The following GRIN2A variants were observed in gnomAD, a reference collection of about 807,000 sequenced individuals.
GRIN2A encodes the protein glutamate ionotropic receptor NMDA type subunit 2A.
Under a neutral mutation model 113.4 loss-of-function variants are expected in GRIN2A, and 22 were observed. That is an observed-to-expected ratio of 0.19 (90% CI 0.14 to 0.28). The LOEUF is 0.28. Among genes scored for constraint, GRIN2A ranks in the 10% least tolerant of loss-of-function variants. The pLI, the probability that GRIN2A is intolerant of heterozygous loss-of-function variation, is 1.00. For synonymous variants in GRIN2A, 827 were observed against 738.4 expected (o/e 1.12, Z -1.94); for missense variants, 1,502 against 1,887.0 (o/e 0.80, Z 3.78).
At chr16:9,845,055 A>G (rs547413739) in intron 5 of GRIN2A, among the ~76,000 whole-genome samples, 10 of 152,242 alleles carry the variant, frequency 6.6e-5, no homozygotes, top group African/African-American at 2.2e-4. Flanking sequence ...CAATTGATCT[A>G]ATCTTCTTTA....
intron 2 of GRIN2A, among the ~76,000 whole-genome samples, chr16:10,120,902 C>T (rs1474558753): frequency 6.6e-6 from 1 of 152,138 alleles, no homozygotes; most frequent in Admixed American, 6.5e-5. Context: ...CCTCCTCCCA[C>T]AGCTGTCCCC....
Position 9,941,323 on chromosome 16 carries a change from G to A in GRIN2A, c.415-2772C>T, listed in dbSNP as rs117733495. Among the ~76,000 whole-genome samples the A allele has an allele frequency of 3.2e-4, 49 of 152,306 alleles. No individual in the cohort carries two copies. In the East Asian group the frequency reaches 9.3e-3, roughly 29 times the overall value. On this transcript the variant is annotated intron_variant, in intron 2 of 12. Coordinates refer to ENST00000330684, the MANE Select transcript of GRIN2A (RefSeq NM_001134407.3). ...GACCAGGGTACCCATGAAAAGGTCT[G>A]TGCACAGAGCAAAGCTGTAAGCACA...
intron 2 of GRIN2A, among the ~76,000 whole-genome samples, chr16:9,973,177 G>A (rs1231174784): frequency 3.3e-5 from 5 of 152,118 alleles, no homozygotes. Flanking sequence ...GAGCAATTTG[G>A]GGAGGTTTAG....
At chr16:10,114,308 G>A (rs878892130) in intron 2 of GRIN2A, among the ~76,000 whole-genome samples, 2 of 152,200 alleles carry the variant, frequency 1.3e-5, no homozygotes, top group Admixed American at 6.5e-5. Context: ...CCCCACAGGG[G>A]AGCCTGCTTG....
intron 2 of GRIN2A, among the ~76,000 whole-genome samples, chr16:10,089,224 C>T (rs9926046): frequency 0.2 from 30,161 of 152,144 alleles, 3,419 homozygotes; most frequent in East Asian, 0.43. Context: ...CCTGCCCCTA[C>T]GAAGCTGATG....
intron 3 of GRIN2A, among the ~76,000 whole-genome samples, chr16:9,895,242 A>C (rs1214452320): frequency 6.6e-6 from 1 of 152,224 alleles, no homozygotes; most frequent in Non-Finnish European, 1.5e-5. Context: ...TGGAAAAAGG[A>C]AACAAAGTTA....
intron 2 of GRIN2A, among the ~76,000 whole-genome samples, chr16:10,048,795 G>C (rs566365846): frequency 1.4e-3 from 210 of 152,194 alleles, no homozygotes; most frequent in African/African-American, 4.6e-3. Flanking sequence ...ACCCATAAAA[G>C]ACTTCTCTCC....
chr16:9,804,570 C>T (rs1415083319), intron 10 of GRIN2A, among the ~76,000 whole-genome samples: 1 of 152,000 alleles, frequency 6.6e-6, no homozygotes, highest in East Asian at 1.9e-4. Flanking sequence ...TGGGATGTTG[C>T]CTGTGATGAG....
At chr16:9,809,222 T>C (rs1401674110) in intron 10 of GRIN2A, among the ~76,000 whole-genome samples, 4 of 152,044 alleles carry the variant, frequency 2.6e-5, no homozygotes, top group Non-Finnish European at 5.9e-5. Context: ...GAGTTTGAGA[T>C]CAGCCTGGGC....
rs762379731 is a variant in GRIN2A, at chr16:10,180,334, C to A, written c.78G>T (p.Ala26=). Residue 26 remains alanine, a synonymous_variant, in exon 2 of 13, where the codon GCG becomes GCT. Coordinates refer to ENST00000330684, the MANE Select transcript of GRIN2A (RefSeq NM_001134407.3). The surrounding 1 kb of genome is among the most constrained non-coding windows in gnomAD (Gnocchi z 7.0). ...TTAGCGCGGGGGGACCCTTCTCCGC[C>A]GCCGCGCTCGGCGCCGGACCGCGCC... is the stretch of plus-strand genomic sequence containing the variant. ...LVWRGPAPSA[A]AEKGPPALNI... The A allele has an allele frequency of 4.4e-6, 7 of 1,609,156 alleles. No individual in the cohort carries two copies. The East Asian group carries it at 1.3e-4, about 31-fold the overall frequency.
At chr16:10,175,151 G>A (rs2050117544) in intron 2 of GRIN2A, among the ~76,000 whole-genome samples, 1 of 152,204 alleles carries the variant, frequency 6.6e-6, no homozygotes, top group African/African-American at 2.4e-5. Flanking sequence ...GTGTGTAACA[G>A]ACTATACCAC....
At chr16:10,091,558 T>A (rs1270806990) in intron 2 of GRIN2A, among the ~76,000 whole-genome samples, 1 of 151,434 alleles carries the variant, frequency 6.6e-6, no homozygotes, top group African/African-American at 2.4e-5. Flanking sequence ...GAGGCTGAGG[T>A]GGGAGGATTG....
rs2047140199 is a variant in GRIN2A at position 10,040,421 on chromosome 16, ACACT to A, written c.415-101874_415-101871del. Among the ~76,000 whole-genome samples the A allele has an allele frequency of 5.9e-5, 9 of 151,756 alleles. No homozygotes were observed. The South Asian group carries it at 1.7e-3, about 28-fold the overall frequency. ...TACACCCACAAACACACCACCACAC[ACACT>A]CACAAATACATGAACACAGTCACAA... On this transcript the variant is annotated intron_variant, in intron 2 of 12. Transcript: ENST00000330684.
chr16:10,061,180 C>T (rs1195540096), intron 2 of GRIN2A, among the ~76,000 whole-genome samples: 1 of 152,084 alleles, frequency 6.6e-6, no homozygotes, highest in Non-Finnish European at 1.5e-5. Flanking sequence ...GAATGTGATG[C>T]CTGGAGCTCC....
intron 2 of GRIN2A, among the ~76,000 whole-genome samples, chr16:9,967,315 A>G (rs1214299362): frequency 2.0e-5 from 3 of 152,240 alleles, no homozygotes; most frequent in Non-Finnish European, 4.4e-5. Context: ...GCTGGAAGCC[A>G]TTATTCGAAG....
At chr16:9,790,192 G>C (rs1375507523) in intron 11 of GRIN2A, among the ~76,000 whole-genome samples, 1 of 152,168 alleles carries the variant, frequency 6.6e-6, no homozygotes, top group Non-Finnish European at 1.5e-5. Context: ...TACCCCAACT[G>C]TCCTCTACGA....
chr16:9,943,298 T>G (rs2044934067), intron 2 of GRIN2A: 1 of 152,236 alleles, frequency 6.6e-6, no homozygotes, highest in Admixed American at 6.5e-5. Flanking sequence ...CTCACTGCTC[T>G]GCGGAAGACA....
At chr16:10,115,589 G>C (rs1053015431) in intron 2 of GRIN2A, among the ~76,000 whole-genome samples, 1 of 152,232 alleles carries the variant, frequency 6.6e-6, no homozygotes, top group South Asian at 2.1e-4. Context: ...GAGCCCAGCA[G>C]TTGTGCCCAA....
intron 2 of GRIN2A, among the ~76,000 whole-genome samples, chr16:10,026,953 A>T (rs2046834145): frequency 6.6e-6 from 1 of 152,116 alleles, no homozygotes; most frequent in Non-Finnish European, 1.5e-5. Context: ...TCCCGTGAAG[A>T]TGGCTCTATT....
Sources: gnomAD v4.1 joint callset for allele counts (sites outside exome capture counted in the v4.1 genomes callset) on GRCh38, gnomAD v4.1.1 for gene constraint, Gnocchi (gnomAD v3.1) non-coding constraint, MANE v1.5 for transcripts, NCBI Gene and HGNC (gene_info 2026-07-23, HGNC 2026-07-21) for gene names.